CAST: variants seen among roughly 807,000 people sequenced by gnomAD.
CAST encodes the protein calpastatin, also known as MIR583 host.
CAST carries 76 observed loss-of-function variants against 119.6 expected under a neutral mutation model. That is an observed-to-expected ratio of 0.64 (90% CI 0.53 to 0.77). The LOEUF is 0.77. CAST is among the 30% of genes least tolerant of loss of function. The pLI, the probability that CAST is intolerant of heterozygous loss-of-function variation, is 0.00. For synonymous variants in CAST, 319 were observed against 331.6 expected (o/e 0.96, Z 0.41); for missense variants, 953 against 946.5 (o/e 1.01, Z -0.09).
chr5:96,232,233 G>A, the CAST span, among the ~76,000 whole-genome samples: 1 of 152,070 alleles, frequency 6.6e-6, no homozygotes, highest in African/African-American at 2.4e-5. Context: ...GAGGATGAGA[G>A]TGTTGGAAGC....
the CAST span, among the ~76,000 whole-genome samples, chr5:96,306,986 T>G: frequency 2.2e-3 from 341 of 152,282 alleles, 1 homozygote; most frequent in Middle Eastern, 0.031. Context: ...CAGAGCTGAG[T>G]TCAAGTCCTG....
the CAST span, among the ~76,000 whole-genome samples, chr5:96,146,838 T>G: frequency 1.3e-5 from 2 of 152,212 alleles, no homozygotes; most frequent in Admixed American, 6.5e-5. Context: ...CTGGAACATG[T>G]GGCTCTCAGT....
the CAST span, among the ~76,000 whole-genome samples, chr5:96,027,731 A>G: frequency 6.6e-6 from 1 of 152,200 alleles, no homozygotes; most frequent in South Asian, 2.1e-4. Flanking sequence ...CATCAAATCT[A>G]CAATGTAAAC....
the CAST span, among the ~76,000 whole-genome samples, chr5:96,030,687 A>C: frequency 6.6e-6 from 1 of 152,182 alleles, no homozygotes; most frequent in Non-Finnish European, 1.5e-5. Flanking sequence ...CTCCACACCT[A>C]TTCTGGGATT....
the CAST span, among the ~76,000 whole-genome samples, chr5:96,105,412 C>G: frequency 6.6e-6 from 1 of 152,180 alleles, no homozygotes; most frequent in Admixed American, 6.5e-5. Flanking sequence ...TGTGTCCCAT[C>G]AATACCTAAT....
At chr5:96,658,763 T>C (rs146270322), upstream of CAST, among the ~76,000 whole-genome samples, 589 of 152,366 alleles carry the variant, frequency 3.9e-3, 11 homozygotes, top group South Asian at 0.033. Flanking sequence ...TACTCAGCTT[T>C]ATCATCCACA....
the CAST span, among the ~76,000 whole-genome samples, chr5:96,297,450 G>C: frequency 3.3e-5 from 5 of 152,188 alleles, no homozygotes; most frequent in African/African-American, 7.2e-5. Context: ...GTGGCAAGCT[G>C]CTGCTGGTGA....
the CAST span, among the ~76,000 whole-genome samples, chr5:96,224,315 T>A: frequency 6.6e-6 from 1 of 152,308 alleles, no homozygotes; most frequent in Admixed American, 6.5e-5. Context: ...GTAGGCTGTA[T>A]AATGGCCACC....
At chr5:96,109,369 C>A in the CAST span, among the ~76,000 whole-genome samples, 1 of 152,012 alleles carries the variant, frequency 6.6e-6, no homozygotes, top group Non-Finnish European at 1.5e-5. Context: ...TCAGTTTTAC[C>A]TTGATATAAA....
intron 1 of CAST, 93 bp from the exon 2 acceptor site, chr5:96,675,446 T>TAAA: frequency 2.3e-6 from 2 of 853,326 alleles, no homozygotes; most frequent in Non-Finnish European, 3.9e-6. Flanking sequence ...GGTCGTTTTT[T>TAAA]AAAAAAGGGT....
At chr5:96,495,594 A>G in the CAST span, among the ~76,000 whole-genome samples, 12 of 152,248 alleles carry the variant, frequency 7.9e-5, no homozygotes, top group Non-Finnish European at 1.6e-4. Context: ...AAAGAACATG[A>G]ACTCCTTCTT....
the CAST span, among the ~76,000 whole-genome samples, chr5:96,226,354 A>G: frequency 1.3e-5 from 2 of 152,192 alleles, no homozygotes; most frequent in African/African-American, 4.8e-5. Flanking sequence ...AATGGAGCAT[A>G]AAAGATCTAA....
the CAST span, among the ~76,000 whole-genome samples, chr5:96,283,954 T>C: frequency 4.5e-4 from 68 of 152,140 alleles, no homozygotes; most frequent in Non-Finnish European, 8.1e-4. Flanking sequence ...CTCTTCACCA[T>C]GGGTTGGAAG....
upstream of CAST, among the ~76,000 whole-genome samples, chr5:96,522,513 G>A (rs1745534843): frequency 6.6e-6 from 1 of 152,090 alleles, no homozygotes; most frequent in African/African-American, 2.4e-5. Context: ...AATGAATGTT[G>A]CACAGTAAAA....
the CAST span, among the ~76,000 whole-genome samples, chr5:96,146,059 C>G: frequency 3.3e-5 from 5 of 152,154 alleles, no homozygotes; most frequent in Non-Finnish European, 5.9e-5. Flanking sequence ...ATTCCAATGG[C>G]CAAAGCAGTT....
At chr5:96,765,817 ATAG>A (rs1174137498) in intron 26 of CAST, among the ~76,000 whole-genome samples, 1 of 90,372 alleles carries the variant, frequency 1.1e-5, no homozygotes, top group Non-Finnish European at 3.2e-5. Context: ...CATTTAAAAT[ATAG>A]CTAGAAAATT....
the CAST span, among the ~76,000 whole-genome samples, chr5:96,105,078 T>C: frequency 2.2e-5 from 3 of 135,528 alleles, no homozygotes; most frequent in Non-Finnish European, 3.1e-5. Flanking sequence ...TTTTTGTACA[T>C]TGATTTTGTA....
chr5:96,617,683 T>A (rs1354071204), intron 1 of CAST, among the ~76,000 whole-genome samples: 1 of 150,394 alleles, frequency 6.6e-6, no homozygotes, highest in Non-Finnish European at 1.5e-5. Flanking sequence ...TCCCAGCTAC[T>A]CGAGAGGCTG....
At chr5:96,445,090 G>A in the CAST span, among the ~76,000 whole-genome samples, 2 of 152,172 alleles carry the variant, frequency 1.3e-5, no homozygotes, top group African/African-American at 4.8e-5. Context: ...GCCACCAGAG[G>A]AAAAGGACAA....
Sources: gnomAD v4.1 joint callset for allele counts (sites outside exome capture counted in the v4.1 genomes callset) on GRCh38, gnomAD v4.1.1 for gene constraint, MANE v1.5 for transcripts, NCBI Gene and HGNC (gene_info 2026-07-23, HGNC 2026-07-21) for gene names.